The following MYCBPAP variants were observed in gnomAD, a reference collection of about 807,000 sequenced individuals.
The protein encoded by MYCBPAP is MYCBP associated protein.
Under a neutral mutation model 106.1 loss-of-function variants are expected in MYCBPAP, and 60 were observed. The ratio of observed to expected loss-of-function variants is 0.57; its 90% CI spans 0.46 to 0.70. The LOEUF is 0.70. Ranked by LOEUF, MYCBPAP falls within the 30% of genes least tolerant of loss-of-function variation. MYCBPAP has a pLI of 0.00. For synonymous variants in MYCBPAP, 407 were observed against 440.6 expected, an observed-to-expected ratio of 0.92 and a Z score of 0.95; for missense variants, 1,064 against 1,169.3, an observed-to-expected ratio of 0.91 and a Z score of 1.31.
intron 10 of MYCBPAP, 117 bp from the exon 11 acceptor site, chr17:50,522,822 G>A: frequency 2.1e-6 from 2 of 971,744 alleles, no homozygotes; most frequent in Admixed American, 2.6e-5. Flanking sequence ...AGCCCTGGAG[G>A]CCTGGGACAC....
At chr17:50,511,352 C>G (rs2033841092) in intron 1 of MYCBPAP, among the ~76,000 whole-genome samples, 1 of 152,040 alleles carries the variant, frequency 6.6e-6, no homozygotes, top group Non-Finnish European at 1.5e-5. Context: ...TGCTAAGAAA[C>G]CAAGAACCCT....
rs1484651466 is a variant in MYCBPAP at position 50,529,066 on chromosome 17, A to G, written c.2602A>G (p.Ile868Val). The change falls in exon 18 of 19, where the codon ATA becomes GTA. Residue 868 changes from isoleucine to valine, a missense_variant. By Grantham distance (29) the Ile-to-Val change is conservative (BLOSUM62 3). Coordinates refer to ENST00000323776, the MANE Select transcript of MYCBPAP (RefSeq NM_032133.6). ...KHKAKDDKKV[I>V]KSASQDRFSL... Reference sequence around the variant, plus strand: ...CAAGGCAAAGGATGACAAGAAAGTCATAAAATCTGCAAGTCAGGACAGGTT... The same window carrying G: ...CAAGGCAAAGGATGACAAGAAAGTCGTAAAATCTGCAAGTCAGGACAGGTT... The G allele has an allele frequency of 1.2e-6, 2 of 1,614,066 alleles. No homozygotes were observed. Among genetic ancestry groups the G allele is most frequent in the African/African-American group, 2.7e-5 (2 of 74,922 alleles).
intron 5 of MYCBPAP, 87 bp from the exon 6 acceptor site, chr17:50,518,887 T>C: frequency 6.8e-7 from 1 of 1,463,446 alleles, no homozygotes; most frequent in Non-Finnish European, 9.5e-7. Context: ...AAATCAGCCC[T>C]GTGAGGGAGG....
At chr17:50,522,709 A>AAAAAAAAAAAATATATATATATATATAT in intron 10 of MYCBPAP, 11 of 49,988 alleles carry the variant, frequency 2.2e-4, no homozygotes, top group African/African-American at 1.1e-3. Flanking sequence ...AAAAAAAAAA[A>AAAAAAAAAAAATATATATATATATATAT]ATATATATAT....
intron 18 of MYCBPAP, chr17:50,529,518 C>T: frequency 2.7e-6 from 1 of 376,210 alleles, no homozygotes. Flanking sequence ...GAGCAACTGC[C>T]ATAGGAGGGA....
chr17:50,519,487 G>A (rs910624128), intron 6 of MYCBPAP, 153 bp from the exon 7 acceptor site: 55 of 906,496 alleles, frequency 6.1e-5, no homozygotes, highest in South Asian at 2.1e-4. Flanking sequence ...CAGAAAACAC[G>A]GCAGTGGATG....
Position 50,516,605 on chromosome 17 carries a change from C to A in MYCBPAP, c.112C>A (p.Pro38Thr). 2.5e-6 allele frequency: 4 copies of A among 1,614,198 alleles called. No homozygotes were observed. The highest frequency in any genetic ancestry group is 3.4e-6 in the Non-Finnish European group (4 of 1,180,042). The change falls in exon 2 of 19, where the codon CCC becomes ACC. Residue 38 changes from proline (P) to threonine (T), a missense_variant. Coordinates refer to ENST00000323776, the MANE Select transcript of MYCBPAP (RefSeq NM_032133.6). ...GGCAAAGGGACCTGAACAACCCACA[C>A]CCACAATTCAGGAAGAGCCTGAACC... ...KRAKGPEQPT[P>T]TIQEEPEPVS... is the part of the protein sequence containing the mutation.
intron 1 of MYCBPAP, chr17:50,509,536 C>G (rs1212072941): frequency 8.5e-4 from 128 of 151,154 alleles, no homozygotes; most frequent in African/African-American, 1.9e-3. Context: ...CTTTTTTTTT[C>G]TGTGTGTGTG....
Position 50,529,011 on chromosome 17 carries a change from C to T in MYCBPAP, c.2554-7C>T. On this transcript the variant is annotated splice_polypyrimidine_tract_variant and splice_region_variant and intron_variant, in intron 17 of 18. Transcript: ENST00000323776. ...TGAAGGCTATGTGTGTCTCCCTCCC[C>T]CAGCAGGACCGTCCCAACAGCAAGA... The T allele has an allele frequency of 1.2e-6, 2 of 1,612,588 alleles. No individual in the cohort carries two copies. Among genetic ancestry groups the T allele is most frequent in the Admixed American group, 1.7e-5 (1 of 59,868 alleles).
intron 1 of MYCBPAP, among the ~76,000 whole-genome samples, chr17:50,513,499 A>G (rs2033933140): frequency 6.6e-6 from 1 of 152,254 alleles, no homozygotes; most frequent in South Asian, 2.1e-4. Flanking sequence ...ATTAAAGATA[A>G]CTTTCTCAGA....
intron 12 of MYCBPAP, 128 bp from the exon 13 acceptor site, chr17:50,524,749 A>C (rs906430269): frequency 1.3e-6 from 1 of 792,736 alleles, no homozygotes; most frequent in Admixed American, 2.2e-5. Flanking sequence ...AGAGAGAGAG[A>C]GAGAGAGAGA....
chr17:50,513,978 A>C (rs1754831124), intron 1 of MYCBPAP, among the ~76,000 whole-genome samples: 1 of 152,224 alleles, frequency 6.6e-6, no homozygotes, highest in Non-Finnish European at 1.5e-5. Context: ...ACAGACAGAT[A>C]CTTCCAAACC....
At chr17:50,513,315 A>C (rs776214686) in intron 1 of MYCBPAP, among the ~76,000 whole-genome samples, 7 of 150,156 alleles carry the variant, frequency 4.7e-5, no homozygotes, top group Non-Finnish European at 7.4e-5. Flanking sequence ...TGAGCCCGGG[A>C]GGCGGAGGTT....
At chr17:50,523,445 C>A in intron 11 of MYCBPAP, 152 bp from the exon 12 acceptor site, 1 of 782,484 alleles carries the variant, frequency 1.3e-6, no homozygotes, top group East Asian at 2.6e-5. Context: ...ACTCAAATTC[C>A]CACATTCCAG....
At chr17:50,514,114 C>G (rs923266022) in intron 1 of MYCBPAP, among the ~76,000 whole-genome samples, 1 of 152,184 alleles carries the variant, frequency 6.6e-6, no homozygotes, top group Non-Finnish European at 1.5e-5. Flanking sequence ...GTTTTGAACT[C>G]CTGGCCTCAA....
intron 10 of MYCBPAP, 146 bp from the exon 11 acceptor site, chr17:50,522,793 C>A: frequency 1.6e-6 from 1 of 617,316 alleles, no homozygotes; most frequent in Non-Finnish European, 2.7e-6. Context: ...TAGGATACCA[C>A]TCTGTGTGAC....
chr17:50,521,906 C>G (rs955077968), intron 9 of MYCBPAP, 67 bp from the exon 10 acceptor site: 1 of 1,464,902 alleles, frequency 6.8e-7, no homozygotes, highest in African/African-American at 1.4e-5. Context: ...GTGACCGTTT[C>G]TGTGGGGTTC....
intron 18 of MYCBPAP, among the ~76,000 whole-genome samples, chr17:50,530,881 C>T (rs1168886922): frequency 6.7e-6 from 1 of 149,968 alleles, no homozygotes; most frequent in African/African-American, 2.5e-5. Context: ...CAGCGCAGGG[C>T]CACCTCCCCA....
At chr17:50,517,203 A>T in intron 2 of MYCBPAP, 90 bp from the exon 3 acceptor site, 1 of 1,239,092 alleles carries the variant, frequency 8.1e-7, no homozygotes, top group Non-Finnish European at 1.2e-6. Flanking sequence ...GCCTTCAGGA[A>T]CTCCACCCAG....
Sources: gnomAD v4.1 joint callset for allele counts (sites outside exome capture counted in the v4.1 genomes callset) on GRCh38, gnomAD v4.1.1 for gene constraint, MANE v1.5 for transcripts, NCBI Gene and HGNC (gene_info 2026-07-23, HGNC 2026-07-21) for gene names.